Variants in VWA8 observed in about 807,000 individuals in gnomAD.
The protein encoded by VWA8 is von Willebrand factor A domain-containing protein 8.
A neutral mutation model predicts 241.5 loss-of-function variants in VWA8; 221 were observed. That is an observed-to-expected ratio of 0.91 (90% confidence interval 0.82 to 1.02). VWA8 has a LOEUF of 1.02. VWA8 is among the 50% of genes least tolerant of loss of function. The pLI is 0.00. For missense variants in VWA8, 2,322 were observed against 2,328.7 expected, an observed-to-expected ratio of 1.00 and a Z score of 0.06; for synonymous variants, 852 against 827.1, an observed-to-expected ratio of 1.03 and a Z score of -0.52.
chr13:41,925,913 T>C, intron 2 of VWA8: 1 of 376,138 alleles, frequency 2.7e-6, no homozygotes, highest in Non-Finnish European at 5.3e-6. Flanking sequence ...TCTCATTCAA[T>C]GACTTCATCC....
rs145576434 is a variant in VWA8 at position 41,833,394 on chromosome 13, C to T, written c.1563G>A (p.Ala521=). ...ACCTTTGCAATACAGCAAGCGTGCC[C>T]GCATTCACCCGGTGAATGCCATCCA... ...VLLDGIHRVN[A]GTLAVLQRLI... is the part of the protein sequence containing the mutation. The change falls in exon 13 of 45, where the codon GCG becomes GCA. Residue 521 remains alanine, a synonymous_variant. Transcript: ENST00000379310. 5.5e-5 allele frequency: 89 copies of T among 1,611,878 alleles called. No individual in the cohort carries two copies. Among genetic ancestry groups the T allele is most frequent in the Non-Finnish European group, 7.3e-5 (86 of 1,179,020 alleles).
At chr13:41,766,565 C>G (rs2045780211) in intron 20 of VWA8, among the ~76,000 whole-genome samples, 2 of 152,168 alleles carry the variant, frequency 1.3e-5, no homozygotes, top group South Asian at 4.1e-4. Flanking sequence ...ATTACCTTTC[C>G]ATATCCATAT....
intron 13 of VWA8, 126 bp from the exon 14 acceptor site, chr13:41,830,768 T>C (rs781494271): frequency 2.7e-5 from 20 of 748,094 alleles, no homozygotes; most frequent in Non-Finnish European, 3.9e-5. Flanking sequence ...TTTTGTTAGA[T>C]GGACCTTTCA....
intron 2 of VWA8, among the ~76,000 whole-genome samples, chr13:41,947,505 A>G (rs1194923942): frequency 6.6e-6 from 1 of 152,256 alleles, no homozygotes; most frequent in Non-Finnish European, 1.5e-5. Flanking sequence ...CAGGACCACA[A>G]TGAGATGTCA....
At chr13:41,959,512 A>G (rs1878504446) in intron 1 of VWA8, among the ~76,000 whole-genome samples, 1 of 148,834 alleles carries the variant, frequency 6.7e-6, no homozygotes, top group Non-Finnish European at 1.5e-5. Context: ...AAAAAAAAAC[A>G]AAAAGTAAAA....
intron 8 of VWA8, among the ~76,000 whole-genome samples, chr13:41,883,798 T>C (rs1874381692): frequency 6.6e-6 from 1 of 152,200 alleles, no homozygotes; most frequent in Admixed American, 6.5e-5. Context: ...TCATTACATG[T>C]GACTATATGA....
At chr13:41,831,505 C>A (rs1321766022) in intron 13 of VWA8, among the ~76,000 whole-genome samples, 1 of 151,982 alleles carries the variant, frequency 6.6e-6, no homozygotes, top group Non-Finnish European at 1.5e-5. Context: ...TGTTCTCAAT[C>A]TTGACTGTAC....
chr13:41,704,123 T>C (rs2045267895), intron 26 of VWA8, among the ~76,000 whole-genome samples: 1 of 152,236 alleles, frequency 6.6e-6, no homozygotes, highest in Non-Finnish European at 1.5e-5. Flanking sequence ...CACATTTGTA[T>C]GTTGTATAGG....
intron 37 of VWA8, among the ~76,000 whole-genome samples, chr13:41,643,860 G>T (rs964374046): frequency 1.5e-5 from 2 of 137,086 alleles, no homozygotes; most frequent in African/African-American, 5.5e-5. Context: ...CGGTGGGAGA[G>T]CCTTTTTCTA....
intron 37 of VWA8, among the ~76,000 whole-genome samples, chr13:41,628,076 T>G (rs2044704569): frequency 6.6e-6 from 1 of 152,182 alleles, no homozygotes; most frequent in Non-Finnish European, 1.5e-5. Flanking sequence ...TAGAGGTATT[T>G]AAACTCACAA....
intron 17 of VWA8, among the ~76,000 whole-genome samples, chr13:41,789,271 T>TC (rs1039312717): frequency 6.6e-6 from 1 of 152,094 alleles, no homozygotes; most frequent in African/African-American, 2.4e-5. Context: ...ACTTATTTTT[T>TC]CCCTCTCCTC....
intron 16 of VWA8, among the ~76,000 whole-genome samples, chr13:41,816,256 G>A (rs1003251872): frequency 1.3e-5 from 2 of 152,278 alleles, no homozygotes. Context: ...TGAGAACACT[G>A]AGACTTACAG....
chr13:41,738,789 T>C (rs943068976), intron 21 of VWA8, among the ~76,000 whole-genome samples: 3 of 152,066 alleles, frequency 2.0e-5, no homozygotes, highest in Non-Finnish European at 4.4e-5. Context: ...GAAAAACACA[T>C]TTTCTAATCA....
In VWA8 at chr13:41,701,546, TATCTC is replaced by T; in HGVS notation, c.3226-21_3226-17del. On this transcript the variant is annotated splice_polypyrimidine_tract_variant and intron_variant, in intron 27 of 44. Coordinates refer to ENST00000379310, the MANE Select transcript of VWA8 (RefSeq NM_015058.2). The stretch of plus-strand genomic sequence containing the variant: ...GTGCTGGACCCTATAATAAAGCAGT[TATCTC>T]AGTTAAGATATTTTGGTTGTCACCA... 2.0e-6 allele frequency: 3 copies of T among 1,529,340 alleles called. No homozygotes were observed. The South Asian group carries it at 3.9e-5, about 20-fold the overall frequency. The allele number at this position is 1,529,340 out of a possible 1,614,324, so 94.7% of individuals were successfully genotyped here.
At position 41,747,097 on chromosome 13, in the gene VWA8, A is replaced by T. The variant is rs112000984; in HGVS notation, c.2426+14031T>A. 9.2e-3 allele frequency among the ~76,000 whole-genome samples: 1,406 copies of T among 152,272 alleles called. 32 individuals are homozygous for T. Among genetic ancestry groups the T allele is most frequent in the African/African-American group, 0.03 (1,264 of 41,552 alleles). ...GCAATGCGGGCTCTTTTTTGGTTCCATATGAACTTTAAAGCAGTTTTTTCC... is the reference window on the plus strand; with the variant it reads ...GCAATGCGGGCTCTTTTTTGGTTCCTTATGAACTTTAAAGCAGTTTTTTCC... On this transcript the variant is annotated intron_variant, in intron 21 of 44. Transcript: ENST00000379310.
intron 33 of VWA8, among the ~76,000 whole-genome samples, chr13:41,689,903 A>C (rs960623933): frequency 6.6e-6 from 1 of 152,108 alleles, no homozygotes; most frequent in Admixed American, 6.6e-5. Context: ...TGTTATCCTA[A>C]ATTAGACTTG....
intron 1 of VWA8, among the ~76,000 whole-genome samples, chr13:41,952,083 T>G (rs1026850882): frequency 6.6e-6 from 1 of 152,176 alleles, no homozygotes; most frequent in African/African-American, 2.4e-5. Flanking sequence ...ACTCTTTGTC[T>G]TCACGCAATC....
In VWA8 at chr13:41,923,517, A is replaced by G. The variant is rs538155664; in HGVS notation, c.242-11349T>C. Among the ~76,000 whole-genome samples the G allele has an allele frequency of 2.8e-4, 42 of 152,026 alleles. 2 individuals are homozygous for G. Among genetic ancestry groups the G allele is most frequent in the African/African-American group, 9.9e-4 (41 of 41,462 alleles). On this transcript the variant is annotated intron_variant, in intron 2 of 44. Transcript: ENST00000379310. ...CTTTTGCCTTGGAAAGTGAACCAAC[A>G]CCTCAAGTCATAGTGTTTCAGTAAT... is the stretch of plus-strand genomic sequence containing the variant.
chr13:41,663,527 T>G (rs1049363355), intron 37 of VWA8, among the ~76,000 whole-genome samples: 4 of 152,122 alleles, frequency 2.6e-5, no homozygotes, highest in Non-Finnish European at 2.9e-5. Context: ...TCAACTCTGC[T>G]TACTACATCT....
Sources: allele counts gnomAD v4.1 joint callset (sites outside exome capture counted in the v4.1 genomes callset), GRCh38; gene constraint gnomAD v4.1.1; transcripts MANE v1.5; gene names NCBI Gene and HGNC (gene_info 2026-07-23, HGNC 2026-07-21).